The following FBXL4 variants were observed in gnomAD, a reference collection of about 807,000 sequenced individuals.
The protein encoded by FBXL4 is F-box/LRR-repeat protein 4.
Under a neutral mutation model 58.9 loss-of-function variants are expected in FBXL4, and 40 were observed. The ratio of observed to expected loss-of-function variants is 0.68; its 90% confidence interval spans 0.53 to 0.88. FBXL4 has a LOEUF of 0.88. FBXL4 is among the 40% of genes least tolerant of loss of function. The pLI is 0.00. For synonymous variants in FBXL4, 263 were observed against 265.5 expected (o/e 0.99, Z 0.09); for missense variants, 676 against 734.4 (o/e 0.92, Z 0.92).
At chr6:98,894,765 T>G (rs1771355575) in intron 7 of FBXL4, among the ~76,000 whole-genome samples, 1 of 152,244 alleles carries the variant, frequency 6.6e-6, no homozygotes, top group Non-Finnish European at 1.5e-5. Flanking sequence ...TAGTGAATTT[T>G]CTTTGCTAAA....
chr6:98,908,716 T>C (rs562851523), intron 5 of FBXL4, among the ~76,000 whole-genome samples: 3 of 152,242 alleles, frequency 2.0e-5, no homozygotes, highest in African/African-American at 7.2e-5. Flanking sequence ...AAACTGTTTT[T>C]ATTTGTGTTT....
rs548944417 is a variant in FBXL4, at chr6:98,899,617, C to G, written c.1104-136G>C. Reference sequence around the variant, plus strand: ...TAGGGAAAATGTAAAATTTGTTTTGCTTAAATTCTTATTCACTGCATACTG... The same window carrying G: ...TAGGGAAAATGTAAAATTTGTTTTGGTTAAATTCTTATTCACTGCATACTG... On this transcript the variant is annotated intron_variant, in intron 6 of 9. Transcript: ENST00000369244. The G allele has an allele frequency of 2.0e-4, 219 of 1,081,664 alleles. 2 individuals carry two copies. The South Asian group carries it at 3.1e-3, about 15-fold the overall frequency. The allele number at this position is 1,081,664 out of a possible 1,614,324, so 67.0% of individuals were successfully genotyped here.
In FBXL4 at chr6:98,926,693, G is replaced by T. The variant is rs897845720; in HGVS notation, c.296C>A (p.Thr99Asn). The T allele has an allele frequency of 1.9e-6, 3 of 1,614,194 alleles. No individual in the cohort carries two copies. The highest frequency in any genetic ancestry group is 2.5e-6 in the Non-Finnish European group (3 of 1,180,042). ...ACACTGATCCCACCATGTCCCATAA[G>T]TTCGAAACACAGCTGTCTGAGTAAA... ...GDFTQTAVFR[T>N]YGTWWDQCPS... is the part of the protein sequence containing the mutation. Residue 99 changes from threonine to asparagine, a missense_variant, in exon 4 of 10, where the codon ACT becomes AAT. Transcript: ENST00000369244.
intron 7 of FBXL4, among the ~76,000 whole-genome samples, chr6:98,890,486 T>C (rs888714841): frequency 1.3e-5 from 2 of 152,202 alleles, no homozygotes; most frequent in Admixed American, 1.3e-4. Context: ...ATAACAAATG[T>C]CTCCAAAGAA....
chr6:98,911,244 G>T (rs1383916398), intron 5 of FBXL4, among the ~76,000 whole-genome samples: 1 of 152,130 alleles, frequency 6.6e-6, no homozygotes, highest in Non-Finnish European at 1.5e-5. Flanking sequence ...TCCACCTCTG[G>T]GGGCAGGGCA....
At chr6:98,900,948 T>C (rs190259095) in intron 6 of FBXL4, among the ~76,000 whole-genome samples, 113 of 152,250 alleles carry the variant, frequency 7.4e-4, no homozygotes, top group African/African-American at 2.1e-3. Flanking sequence ...CTGTATTAGC[T>C]AAACTGCAGT....
Position 98,930,701 on chromosome 6 carries a change from G to T in FBXL4, c.-190-2879C>A, listed in dbSNP as rs149014950. On this transcript the variant is annotated intron_variant, in intron 2 of 9. Transcript: ENST00000369244. ...TTCAAGGCTGAAGTGAGTCATGATC[G>T]TGTCACTGTACTCCAGCCTGGACCA... Among the ~76,000 whole-genome samples the T allele has an allele frequency of 2.8e-3, 430 of 152,192 alleles. 1 individual carries two copies. Among genetic ancestry groups the T allele is most frequent in the Non-Finnish European group, 4.4e-3 (297 of 68,006 alleles).
At chr6:98,933,943 G>A (rs780392064) in intron 2 of FBXL4, among the ~76,000 whole-genome samples, 1 of 152,092 alleles carries the variant, frequency 6.6e-6, no homozygotes, top group African/African-American at 2.4e-5. Flanking sequence ...AAATTGAAGC[G>A]CAATAGGTAA....
chr6:98,892,179 G>A (rs1222781758), intron 7 of FBXL4, among the ~76,000 whole-genome samples: 4 of 152,134 alleles, frequency 2.6e-5, no homozygotes, highest in African/African-American at 4.8e-5. Context: ...ATTGATTCTT[G>A]ATTGTGTTTA....
chr6:98,898,737 C>CTTA, intron 7 of FBXL4: 1 of 984,478 alleles, frequency 1.0e-6, no homozygotes, highest in Non-Finnish European at 1.2e-6. Context: ...TACACTATTA[C>CTTA]AGTAAAAGAG....
intron 5 of FBXL4, 115 bp from the exon 6 acceptor site, chr6:98,905,785 T>A: frequency 9.6e-7 from 1 of 1,044,234 alleles, no homozygotes; most frequent in Non-Finnish European, 1.4e-6. Context: ...AACAATATTT[T>A]CACATAGTAA....
rs181514254 is a variant in FBXL4 at position 98,903,090 on chromosome 6, A to T, written c.1103+2336T>A. ...CTTTTTCCCAAAGATTTGTTCAAAA[A>T]GCAGCTCATCAACATTGGTCTCTAG... On this transcript the variant is annotated intron_variant, in intron 6 of 9. Coordinates refer to ENST00000369244, the MANE Select transcript of FBXL4 (RefSeq NM_001278716.2). Among the ~76,000 whole-genome samples, 308 of 152,304 alleles carry T rather than the reference A, an allele frequency of 2.0e-3. 1 individual carries two copies. Among genetic ancestry groups the T allele is most frequent in the South Asian group, 2.9e-3 (14 of 4,828 alleles).
chr6:98,869,888 T>C lies in FBXL4; in HGVS notation c.*4390A>G, dbSNP rs1175814873. 6.6e-6 allele frequency: 1 copy of C among 152,190 alleles called. No homozygotes were observed. Among genetic ancestry groups the C allele is most frequent in the Non-Finnish European group, 1.5e-5 (1 of 68,038 alleles). The allele number at this position is 152,190 out of a possible 1,614,324, so 9.4% of individuals were successfully genotyped here. A position where few individuals can be genotyped will look rare whatever the true frequency, so the allele number is the denominator to read the frequency against. On this transcript the variant is annotated 3_prime_UTR_variant, in exon 10 of 10. Transcript: ENST00000369244. ...TTTTTAAGATCTTATTTCAAAACAATTTACATTGAGAGTATTATTTATGCT... is the reference window on the plus strand; with the variant it reads ...TTTTTAAGATCTTATTTCAAAACAACTTACATTGAGAGTATTATTTATGCT...
At chr6:98,881,429 C>G (rs1770849608) in intron 7 of FBXL4, among the ~76,000 whole-genome samples, 1 of 151,918 alleles carries the variant, frequency 6.6e-6, no homozygotes, top group African/African-American at 2.4e-5. Context: ...GAAAACTATT[C>G]AAACTTACAT....
chr6:98,929,589 A>G (rs1166630271), intron 2 of FBXL4, among the ~76,000 whole-genome samples: 1 of 148,384 alleles, frequency 6.7e-6, no homozygotes, highest in Non-Finnish European at 1.5e-5. Flanking sequence ...AAAAAAAAAG[A>G]AAGAAAGAAA....
chr6:98,897,456 G>T, intron 7 of FBXL4: 1 of 561,698 alleles, frequency 1.8e-6, no homozygotes, highest in Non-Finnish European at 2.3e-6. Context: ...CAAGCTTATT[G>T]CTGGCAGGGC....
intron 5 of FBXL4, 88 bp from the exon 6 acceptor site, chr6:98,905,758 AG>A: frequency 7.8e-7 from 1 of 1,287,950 alleles, no homozygotes; most frequent in Non-Finnish European, 1.1e-6. Flanking sequence ...AAGGAATAAA[AG>A]TGTCATACAT....
chr6:98,933,631 A>G (rs1165846102), intron 2 of FBXL4, among the ~76,000 whole-genome samples: 2 of 152,150 alleles, frequency 1.3e-5, no homozygotes, highest in African/African-American at 2.4e-5. Flanking sequence ...ATTATTTGCT[A>G]TTTCTTACAT....
intron 4 of FBXL4, among the ~76,000 whole-genome samples, chr6:98,918,388 A>G (rs1471097591): frequency 6.6e-6 from 1 of 152,082 alleles, no homozygotes; most frequent in Non-Finnish European, 1.5e-5. Context: ...CAGATTAATC[A>G]TTATTTTCCA....
Sources: allele counts gnomAD v4.1 joint callset (sites outside exome capture counted in the v4.1 genomes callset), GRCh38; gene constraint gnomAD v4.1.1; transcripts MANE v1.5; gene names NCBI Gene and HGNC (gene_info 2026-07-23, HGNC 2026-07-21).